The following IGF1R variants were observed in gnomAD, a reference collection of about 807,000 sequenced individuals.
IGF1R encodes the protein insulin like growth factor 1 receptor, also known as insulin-like growth factor 1 receptor.
Under a neutral mutation model 144.6 loss-of-function variants are expected in IGF1R, and 44 were observed. The ratio of observed to expected loss-of-function variants is 0.30; its 90% CI spans 0.24 to 0.39. The LOEUF (loss-of-function observed/expected upper bound fraction) is 0.39. IGF1R is among the 10% of genes least tolerant of loss of function. The pLI is 1.00. For missense variants in IGF1R, 1,355 were observed against 1,833.7 expected (o/e 0.74, Z 4.77); for synonymous variants, 795 against 722.8 (o/e 1.10, Z -1.60).
intron 2 of IGF1R, among the ~76,000 whole-genome samples, chr15:98,820,381 A>G (rs772395395): frequency 7.9e-5 from 12 of 152,234 alleles, no homozygotes; most frequent in Non-Finnish European, 1.6e-4. Context: ...TAATTTTTAA[A>G]GGAAACATTT....
chr15:98,868,361 T>TC (rs1432416898), intron 2 of IGF1R, among the ~76,000 whole-genome samples: 1 of 86,218 alleles, frequency 1.2e-5, no homozygotes, highest in Non-Finnish European at 2.6e-5. Flanking sequence ...TCTGTTGGGT[T>TC]TTTTTTTTTG....
rs2055839307 is a variant in IGF1R at position 98,780,585 on chromosome 15, A to G, written c.640+72478A>G. On this transcript the variant is annotated intron_variant, in intron 2 of 20. Coordinates refer to ENST00000650285, the MANE Select transcript of IGF1R (RefSeq NM_000875.5). ...AAAAAAAAAAAAAAAAGAGAGAGAG[A>G]GTAAATAAAATTGTAAGGTGAATAT... Among the ~76,000 whole-genome samples the G allele has an allele frequency of 2.9e-5, 4 of 135,738 alleles. 1 individual carries two copies. Among genetic ancestry groups the G allele is most frequent in the African/African-American group, 2.7e-5 (1 of 37,654 alleles). The allele number at this position is 135,738 out of a possible 152,430, so 89.0% of individuals were successfully genotyped here.
Position 98,649,435 on chromosome 15 carries a change from G to T in IGF1R, c.-147G>T, listed in dbSNP as rs1156787437. ...GGGCCCCGGCGGCGCCGCCTTCGGAGTATTGTTTCCTTCGCCCTTGTTTTT... is the reference window on the plus strand; with the variant it reads ...GGGCCCCGGCGGCGCCGCCTTCGGATTATTGTTTCCTTCGCCCTTGTTTTT... On this transcript the variant is annotated 5_prime_UTR_variant, in exon 1 of 21. Coordinates refer to ENST00000650285, the MANE Select transcript of IGF1R (RefSeq NM_000875.5). 14 of 596,686 alleles carry T rather than the reference G, an allele frequency of 2.3e-5. No individual in the cohort carries two copies. In the African/African-American group the frequency reaches 2.7e-4, roughly 12 times the overall value. The allele number at this position is 596,686 out of a possible 1,614,324, so 37.0% of individuals were successfully genotyped here.
intron 1 of IGF1R, among the ~76,000 whole-genome samples, chr15:98,684,038 C>G (rs1401101086): frequency 3.3e-5 from 5 of 152,150 alleles, no homozygotes; most frequent in African/African-American, 9.7e-5. Context: ...ACCATGTGCC[C>G]GTGCTCAGCC....
At chr15:98,899,456 C>T (rs2014365134) in intron 4 of IGF1R, 21 bp from the exon 5 acceptor site, 1 of 1,613,324 alleles carries the variant, frequency 6.2e-7, no homozygotes. Flanking sequence ...CACACAGTGA[C>T]ACAATCCCCT....
At chr15:98,792,846 G>A (rs2056156985) in intron 2 of IGF1R, among the ~76,000 whole-genome samples, 1 of 152,174 alleles carries the variant, frequency 6.6e-6, no homozygotes, top group African/African-American at 2.4e-5. Flanking sequence ...ATTTTGCCAG[G>A]GGTTGCCTCC....
At chr15:98,929,783 T>G (rs888491201) in intron 14 of IGF1R, 123 bp downstream of exon 14, 3 of 749,990 alleles carry the variant, frequency 4.0e-6, no homozygotes, top group Non-Finnish European at 7.2e-6. Context: ...AACCTGATTT[T>G]CCCATCAAAT....
intron 18 of IGF1R, among the ~76,000 whole-genome samples, chr15:98,941,203 T>C (rs955353555): frequency 6.6e-6 from 1 of 152,114 alleles, no homozygotes; most frequent in Non-Finnish European, 1.5e-5. Context: ...ACAGACCCCA[T>C]GGGGTTATGA....
intron 4 of IGF1R, among the ~76,000 whole-genome samples, chr15:98,898,182 C>A (rs35372594): frequency 1.3e-5 from 2 of 152,182 alleles, no homozygotes; most frequent in Non-Finnish European, 2.9e-5. Context: ...ATGTTTAATT[C>A]TTTTGGCTGT....
intron 20 of IGF1R, 77 bp downstream of exon 20, chr15:98,948,785 AG>A: frequency 1.3e-6 from 2 of 1,514,692 alleles, no homozygotes; most frequent in Admixed American, 1.7e-5. Flanking sequence ...ACAGGAGATT[AG>A]GAGATTAAAG....
At chr15:98,812,369 T>C (rs2056609951) in intron 2 of IGF1R, among the ~76,000 whole-genome samples, 1 of 151,118 alleles carries the variant, frequency 6.6e-6, no homozygotes, top group South Asian at 2.1e-4. Flanking sequence ...CTTTTTTTTT[T>C]TTTTCAAGGC....
At chr15:98,911,506 TC>T in intron 7 of IGF1R, 65 bp downstream of exon 7, 3 of 1,607,742 alleles carry the variant, frequency 1.9e-6, no homozygotes, top group Non-Finnish European at 2.6e-6. Flanking sequence ...GGCCAGTCTT[TC>T]GATCCTTGAA....
intron 2 of IGF1R, among the ~76,000 whole-genome samples, chr15:98,755,318 G>A (rs144897397): frequency 2.0e-5 from 3 of 152,080 alleles, no homozygotes; most frequent in African/African-American, 7.2e-5. Context: ...GTTTAGTCGA[G>A]CCATCATCTG....
At chr15:98,867,836 T>A (rs2012536456) in intron 2 of IGF1R, among the ~76,000 whole-genome samples, 1 of 152,238 alleles carries the variant, frequency 6.6e-6, no homozygotes, top group African/African-American at 2.4e-5. Flanking sequence ...GTAGTATTTT[T>A]AAAGTAGGAA....
chr15:98,702,777 AAAAAC>A (rs1412042119), intron 1 of IGF1R, among the ~76,000 whole-genome samples: 1 of 152,078 alleles, frequency 6.6e-6, no homozygotes, highest in Non-Finnish European at 1.5e-5. Context: ...CAAAAAATTA[AAAAAC>A]AAAACAAAAC....
In IGF1R at chr15:98,935,920, G is replaced by A. The variant is rs1415358168; in HGVS notation, c.3297+494G>A. On this transcript the variant is annotated intron_variant, in intron 17 of 20. Transcript: ENST00000650285. This position sits in a 1 kb window ranked among gnomAD's most constrained non-coding sequence, Gnocchi z 4.2. ...GCTTTTCATCTCAGTCCAAGTGTGT[G>A]GCTCAGGGCCGCATTTGTGGCAGGC... Among the ~76,000 whole-genome samples, 1 of 152,194 alleles carries A rather than the reference G, an allele frequency of 6.6e-6. No individual in the cohort carries two copies. Among genetic ancestry groups the A allele is most frequent in the East Asian group, 1.9e-4 (1 of 5,196 alleles).
At chr15:98,773,022 A>G (rs1335807229) in intron 2 of IGF1R, among the ~76,000 whole-genome samples, 1 of 152,200 alleles carries the variant, frequency 6.6e-6, no homozygotes, top group African/African-American at 2.4e-5. Flanking sequence ...ACATATTTGC[A>G]TGCCTCTCTT....
intron 11 of IGF1R, among the ~76,000 whole-genome samples, chr15:98,922,690 A>G (rs940865823): frequency 6.6e-6 from 1 of 152,140 alleles, no homozygotes; most frequent in African/African-American, 2.4e-5. Context: ...TGCAGGGTCC[A>G]CCCTCCACCT....
chr15:98,946,070 TAA>T (rs776498006), intron 19 of IGF1R, among the ~76,000 whole-genome samples: 12 of 151,850 alleles, frequency 7.9e-5, no homozygotes, highest in Non-Finnish European at 1.3e-4. Context: ...CCTGGAAGGA[TAA>T]AGTCTTGTGG....
Sources: allele counts gnomAD v4.1 joint callset (sites outside exome capture counted in the v4.1 genomes callset), GRCh38; gene constraint gnomAD v4.1.1; non-coding constraint Gnocchi (gnomAD v3.1); transcripts MANE v1.5; gene names NCBI Gene and HGNC (gene_info 2026-07-23, HGNC 2026-07-21).